FYB1: variants seen among roughly 807,000 people sequenced by gnomAD.
FYB1 encodes FYN-binding protein 1.
A neutral mutation model predicts 94.1 loss-of-function variants in FYB1; 41 were observed. The ratio of observed to expected loss-of-function variants is 0.44; its 90% CI spans 0.34 to 0.57. The LOEUF is 0.57. Among genes scored for constraint, FYB1 ranks in the 20% least tolerant of loss-of-function variants. The probability of loss-of-function intolerance (pLI) is 0.02; values close to 1 mark genes in which losing one functional copy is unlikely to be tolerated. For synonymous variants in FYB1, 367 were observed against 353.2 expected, an observed-to-expected ratio of 1.04 and a Z score of -0.44; for missense variants, 1,050 against 976.8, an observed-to-expected ratio of 1.07 and a Z score of -1.00.
At chr5:39,212,521 C>T (rs1470836785) in intron 1 of FYB1, among the ~76,000 whole-genome samples, 2 of 152,106 alleles carry the variant, frequency 1.3e-5, no homozygotes, top group Non-Finnish European at 2.9e-5. Flanking sequence ...CCCCCTTGTT[C>T]CCATTCCATT....
At chr5:39,225,676 T>C (rs1750441123) in intron 1 of FYB1, among the ~76,000 whole-genome samples, 1 of 152,116 alleles carries the variant, frequency 6.6e-6, no homozygotes, top group African/African-American at 2.4e-5. Context: ...CAAACAAAAA[T>C]AGAAAATAAA....
intron 2 of FYB1, among the ~76,000 whole-genome samples, chr5:39,185,799 C>T (rs111423338): frequency 2.6e-5 from 4 of 151,944 alleles, no homozygotes; most frequent in African/African-American, 9.7e-5. Flanking sequence ...AAAGTTGGAG[C>T]CACTCCGTGA....
At chr5:39,117,346 T>A (rs1046296546) in intron 16 of FYB1, among the ~76,000 whole-genome samples, 1 of 152,182 alleles carries the variant, frequency 6.6e-6, no homozygotes. Flanking sequence ...CATCGTAACA[T>A]TTAATAATTT....
chr5:39,114,249 T>C (rs1739326588), intron 16 of FYB1, among the ~76,000 whole-genome samples: 1 of 152,122 alleles, frequency 6.6e-6, no homozygotes, highest in African/African-American at 2.4e-5. Flanking sequence ...TTATGAGACA[T>C]AGAGTTGTGG....
At chr5:39,177,302 T>C (rs1475805318) in intron 2 of FYB1, among the ~76,000 whole-genome samples, 2 of 152,214 alleles carry the variant, frequency 1.3e-5, no homozygotes, top group African/African-American at 2.4e-5. Flanking sequence ...GAGAGGACTC[T>C]ATTTCCTTGG....
At chr5:39,181,234 A>T (rs908595156) in intron 2 of FYB1, among the ~76,000 whole-genome samples, 1 of 152,232 alleles carries the variant, frequency 6.6e-6, no homozygotes, top group Non-Finnish European at 1.5e-5. Flanking sequence ...AGTGCTGTCC[A>T]AAAGAATGTT....
intron 9 of FYB1, among the ~76,000 whole-genome samples, chr5:39,130,844 A>C (rs1394279275): frequency 2.6e-5 from 4 of 152,164 alleles, no homozygotes; most frequent in Non-Finnish European, 4.4e-5. Flanking sequence ...TATGCACTAT[A>C]TATGATATAG....
chr5:39,200,984 T>C (rs930211886), intron 2 of FYB1, among the ~76,000 whole-genome samples: 8 of 152,192 alleles, frequency 5.3e-5, no homozygotes, highest in African/African-American at 1.9e-4. Context: ...TGCAGTGATA[T>C]CTCTGGTAGA....
At chr5:39,131,368 A>C (rs536561340) in intron 9 of FYB1, among the ~76,000 whole-genome samples, 14 of 152,282 alleles carry the variant, frequency 9.2e-5, no homozygotes, top group African/African-American at 3.1e-4. Flanking sequence ...TGAGAAATTA[A>C]GTGACTTGAC....
chr5:39,138,561 T>C (rs977885242), intron 6 of FYB1, 96 bp downstream of exon 6: 41 of 642,232 alleles, frequency 6.4e-5, no homozygotes, highest in Non-Finnish European at 1.1e-4. Context: ...CAAATCAAGC[T>C]TCCCTCCTAG....
intron 1 of FYB1, among the ~76,000 whole-genome samples, chr5:39,226,052 G>A (rs1750458119): frequency 6.6e-6 from 1 of 152,086 alleles, no homozygotes; most frequent in African/African-American, 2.4e-5. Context: ...TGCTCTCCTG[G>A]CTAGGTAACC....
intron 10 of FYB1, among the ~76,000 whole-genome samples, chr5:39,128,036 G>C (rs1460243671): frequency 6.6e-6 from 1 of 152,162 alleles, no homozygotes; most frequent in African/African-American, 2.4e-5. Flanking sequence ...GAGTTGAAAG[G>C]AATGAGGGTG....
intron 10 of FYB1, among the ~76,000 whole-genome samples, chr5:39,128,506 C>A (rs1740888916): frequency 6.6e-6 from 1 of 152,088 alleles, no homozygotes; most frequent in African/African-American, 2.4e-5. Flanking sequence ...CATTGAACTA[C>A]AGTCAAGGTG....
chr5:39,196,458 G>T lies in FYB1; in HGVS notation c.1135+5368C>A, dbSNP rs1022074386. Among the ~76,000 whole-genome samples, 125 of 152,278 alleles carry T rather than the reference G, an allele frequency of 8.2e-4. 2 individuals are homozygous for T. Among genetic ancestry groups the T allele is most frequent in the East Asian group, 5.8e-4 (3 of 5,178 alleles). On this transcript the variant is annotated intron_variant, in intron 2 of 18. Coordinates refer to ENST00000512982, the MANE Select transcript of FYB1 (RefSeq NM_001465.6). ...GTTCAGCCCGCCTCGGCCTCCCAAAGTGCTGGGATTACAGGCATGAGCCAC... is the reference window on the plus strand; with the variant it reads ...GTTCAGCCCGCCTCGGCCTCCCAAATTGCTGGGATTACAGGCATGAGCCAC...
At chr5:39,135,236 A>G (rs988745059) in intron 7 of FYB1, among the ~76,000 whole-genome samples, 3 of 152,162 alleles carry the variant, frequency 2.0e-5, no homozygotes, top group African/African-American at 7.2e-5. Context: ...GAACATGTGC[A>G]TGGGGTCAGG....
chr5:39,184,724 T>C (rs1021777816), intron 2 of FYB1, among the ~76,000 whole-genome samples: 1 of 152,162 alleles, frequency 6.6e-6, no homozygotes, highest in Non-Finnish European at 1.5e-5. Context: ...AAAAAATCTC[T>C]TCAATAAATG....
chr5:39,174,897 T>C (rs1044038617), intron 2 of FYB1, among the ~76,000 whole-genome samples: 8 of 152,168 alleles, frequency 5.3e-5, no homozygotes, highest in African/African-American at 1.9e-4. Context: ...CAACAACTAA[T>C]AGACTAAGGG....
At position 39,202,797 on chromosome 5, in the gene FYB1, G is replaced by A; in HGVS notation, c.164C>T (p.Pro55Leu). The change falls in exon 2 of 19, where the codon CCT becomes CTT. Residue 55 changes from proline to leucine, a missense_variant. Transcript: ENST00000512982. ...ASPPAGPSNV[P>L]KFGSPKPPVA... ...AGGTGGCTTTGGGGACCCAAACTTA[G>A]GTACATTGCTGGGTCCTGCAGGAGG... The A allele has an allele frequency of 1.2e-6, 2 of 1,613,948 alleles. No individual in the cohort carries two copies. The highest frequency in any genetic ancestry group is 1.7e-6 in the Non-Finnish European group (2 of 1,179,874).
intron 3 of FYB1, among the ~76,000 whole-genome samples, chr5:39,144,651 A>T (rs1404825763): frequency 6.6e-6 from 1 of 152,054 alleles, no homozygotes; most frequent in Non-Finnish European, 1.5e-5. Context: ...AAAATACAAA[A>T]ATTAGCCGAG....
Sources: allele counts gnomAD v4.1 joint callset (sites outside exome capture counted in the v4.1 genomes callset), GRCh38; gene constraint gnomAD v4.1.1; transcripts MANE v1.5; gene names NCBI Gene and HGNC (gene_info 2026-07-23, HGNC 2026-07-21).